The following CSMD1 variants were observed in gnomAD, a reference collection of about 807,000 sequenced individuals.
The protein encoded by CSMD1 is CUB and Sushi multiple domains 1, also known as CUB and sushi domain-containing protein 1.
In CSMD1, 213 loss-of-function variants were observed where a neutral mutation model predicts 417.5. The observed-to-expected ratio is 0.51, with a 90% confidence interval of 0.46 to 0.57. CSMD1 has a LOEUF of 0.57. Among genes scored for constraint, CSMD1 ranks in the 20% least tolerant of loss-of-function variants. The probability of loss-of-function intolerance (pLI) is 0.00; values close to 1 mark genes in which losing one functional copy is unlikely to be tolerated. For synonymous variants in CSMD1, 2,862 were observed against 1,736.8 expected, an observed-to-expected ratio of 1.65 and a Z score of -16.11; for missense variants, 6,923 against 4,529.7, an observed-to-expected ratio of 1.53 and a Z score of -15.17.
At chr8:3,526,973 T>G (rs540000125) in intron 10 of CSMD1, among the ~76,000 whole-genome samples, 1 of 152,094 alleles carries the variant, frequency 6.6e-6, no homozygotes, top group Non-Finnish European at 1.5e-5. Context: ...GGTGCAGCCC[T>G]CTGGAGGGTG....
intron 5 of CSMD1, among the ~76,000 whole-genome samples, chr8:3,783,324 G>A (rs1413646151): frequency 1.3e-5 from 2 of 152,346 alleles, no homozygotes; most frequent in South Asian, 2.1e-4. Context: ...CAGTGCAGAT[G>A]GCAGGTTTTT....
At chr8:3,038,987 T>A (rs543674981) in intron 50 of CSMD1, among the ~76,000 whole-genome samples, 1 of 152,130 alleles carries the variant, frequency 6.6e-6, no homozygotes, top group Non-Finnish European at 1.5e-5. Context: ...TCTACAAGAA[T>A]AGATGGCGAC....
At chr8:3,337,043 G>T (rs750021097) in intron 23 of CSMD1, among the ~76,000 whole-genome samples, 15 of 152,078 alleles carry the variant, frequency 9.9e-5, no homozygotes, top group Non-Finnish European at 2.2e-4. Flanking sequence ...TTCTGGGGAG[G>T]CTGGAGCTGG....
intron 18 of CSMD1, among the ~76,000 whole-genome samples, chr8:3,370,122 CA>C (rs747610485): frequency 3.3e-5 from 5 of 152,156 alleles, no homozygotes; most frequent in Non-Finnish European, 7.3e-5. Flanking sequence ...AACGGGAATT[CA>C]ATTCTTAAGA....
At chr8:3,905,351 AT>A (rs1371675156) in intron 5 of CSMD1, among the ~76,000 whole-genome samples, 1 of 152,242 alleles carries the variant, frequency 6.6e-6, no homozygotes, top group Admixed American at 6.5e-5. Flanking sequence ...AAAGTTGATC[AT>A]CTAAAAAAAG....
At chr8:4,532,474 C>G (rs1055446684) in intron 2 of CSMD1, among the ~76,000 whole-genome samples, 2 of 143,480 alleles carry the variant, frequency 1.4e-5, no homozygotes, top group African/African-American at 2.6e-5. Flanking sequence ...CACCCCCATT[C>G]ACAGTCACTC....
intron 3 of CSMD1, among the ~76,000 whole-genome samples, chr8:4,247,069 A>C (rs938866663): frequency 3.9e-5 from 6 of 152,216 alleles, no homozygotes; most frequent in Non-Finnish European, 7.3e-5. Context: ...AAGACATCCA[A>C]GGGCTACCCC....
At chr8:3,625,564 C>G (rs1327566300) in intron 7 of CSMD1, among the ~76,000 whole-genome samples, 2 of 152,144 alleles carry the variant, frequency 1.3e-5, no homozygotes, top group South Asian at 2.1e-4. Context: ...GGTCTTAAAT[C>G]AAGCTCTCTT....
chr8:3,432,440 A>C (rs895790691), intron 12 of CSMD1, among the ~76,000 whole-genome samples: 1 of 151,828 alleles, frequency 6.6e-6, no homozygotes, highest in Non-Finnish European at 1.5e-5. Flanking sequence ...AAAAATAGAA[A>C]TGATAATTTT....
chr8:3,299,799 G>A (rs922392862), intron 25 of CSMD1, among the ~76,000 whole-genome samples: 2 of 152,130 alleles, frequency 1.3e-5, no homozygotes, highest in African/African-American at 4.8e-5. Context: ...TAAAATGTTT[G>A]GAATATTTTT....
intron 5 of CSMD1, among the ~76,000 whole-genome samples, chr8:3,807,875 A>C (rs11136668): frequency 0.38 from 58,262 of 152,022 alleles, 11,579 homozygotes; most frequent in East Asian, 0.47. Flanking sequence ...AATGCTAAGT[A>C]CAAAAGCAAT....
chr8:3,373,154 A>C (rs1246602334), intron 18 of CSMD1, among the ~76,000 whole-genome samples: 2 of 152,222 alleles, frequency 1.3e-5, no homozygotes, highest in East Asian at 1.9e-4. Flanking sequence ...TTCATATCCA[A>C]CTATGTTTAA....
In CSMD1 at chr8:4,616,960, C is replaced by T. The variant is rs181238018; in HGVS notation, c.302+20382G>A. Reference sequence around the variant, plus strand: ...TGTATTGTCTTTTATTTATTCCAAGCAGATTTCTTTTTTTTACCTAATAGA... The same window carrying T: ...TGTATTGTCTTTTATTTATTCCAAGTAGATTTCTTTTTTTTACCTAATAGA... On this transcript the variant is annotated intron_variant, in intron 2 of 69. Coordinates refer to ENST00000635120, the MANE Select transcript of CSMD1 (RefSeq NM_033225.6). 8.6e-3 allele frequency among the ~76,000 whole-genome samples: 824 copies of T among 95,806 alleles called. 5 individuals are homozygous for T. The highest frequency in any genetic ancestry group is 0.022 in the Middle Eastern group (4 of 186). 62.9% of individuals were successfully genotyped at this position (95,806 alleles called of 152,430 possible). A position where few individuals can be genotyped will look rare whatever the true frequency, so the allele number is the denominator to read the frequency against.
intron 5 of CSMD1, among the ~76,000 whole-genome samples, chr8:3,833,596 C>T (rs910624504): frequency 2.6e-5 from 4 of 151,890 alleles, no homozygotes; most frequent in African/African-American, 7.3e-5. Flanking sequence ...TTTGATGATA[C>T]TTTGAACAAT....
chr8:4,118,355 G>A (rs1802280733), intron 3 of CSMD1, among the ~76,000 whole-genome samples: 1 of 148,874 alleles, frequency 6.7e-6, no homozygotes, highest in Admixed American at 6.7e-5. Flanking sequence ...CTACCCATCT[G>A]ACAAATGTCT....
At chr8:3,498,380 T>A (rs961770105) in intron 10 of CSMD1, among the ~76,000 whole-genome samples, 1 of 152,204 alleles carries the variant, frequency 6.6e-6, no homozygotes, top group Admixed American at 6.5e-5. Flanking sequence ...TCAAATAATT[T>A]TTTCTTTTTT....
chr8:3,362,848 C>T (rs894646944), intron 20 of CSMD1, among the ~76,000 whole-genome samples: 1 of 152,290 alleles, frequency 6.6e-6, no homozygotes. Flanking sequence ...CCTGTAGTCT[C>T]AGCTTCCATC....
At chr8:4,656,086 C>T (rs913445846) in intron 1 of CSMD1, among the ~76,000 whole-genome samples, 2 of 151,952 alleles carry the variant, frequency 1.3e-5, no homozygotes, top group South Asian at 2.1e-4. Context: ...ATGGGAAAGA[C>T]AATGCTAGTC....
At chr8:4,522,762 C>T (rs1803535428) in intron 2 of CSMD1, among the ~76,000 whole-genome samples, 1 of 152,146 alleles carries the variant, frequency 6.6e-6, no homozygotes, top group African/African-American at 2.4e-5. Flanking sequence ...CTCCATCCTT[C>T]ATGAAGGAGT....
Sources: allele counts gnomAD v4.1 joint callset (sites outside exome capture counted in the v4.1 genomes callset), GRCh38; gene constraint gnomAD v4.1.1; transcripts MANE v1.5; gene names NCBI Gene and HGNC (gene_info 2026-07-23, HGNC 2026-07-21).